Variants in VAV3 observed in about 807,000 individuals in gnomAD.
The protein encoded by VAV3 is guanine nucleotide exchange factor VAV3.
Under a neutral mutation model 131.2 loss-of-function variants are expected in VAV3, and 94 were observed. The ratio of observed to expected loss-of-function variants is 0.72; its 90% CI spans 0.61 to 0.85. VAV3 has a LOEUF of 0.85. Among genes scored for constraint, VAV3 ranks in the 40% least tolerant of loss-of-function variants. The pLI is 0.00. For synonymous variants in VAV3, 349 were observed against 342.0 expected (o/e 1.02, Z -0.22); for missense variants, 939 against 1,002.7 (o/e 0.94, Z 0.86).
At chr1:107,917,884 G>C (rs900051281) in intron 1 of VAV3, among the ~76,000 whole-genome samples, 49 of 152,190 alleles carry the variant, frequency 3.2e-4, no homozygotes, top group African/African-American at 1.1e-3. Flanking sequence ...TACTCAAGAA[G>C]TTTCAGATTT....
At position 107,939,313 on chromosome 1, in the gene VAV3, A is replaced by G. The variant is rs191194487; in HGVS notation, c.204+25353T>C. Among the ~76,000 whole-genome samples, 62 of 152,350 alleles carry G rather than the reference A, an allele frequency of 4.1e-4. 3 individuals carry two copies. In the South Asian group the frequency reaches 0.012, roughly 29 times the overall value. On this transcript the variant is annotated intron_variant, in intron 1 of 26. Coordinates refer to ENST00000370056, the MANE Select transcript of VAV3 (RefSeq NM_006113.5). ...GACTCAAATTTTCTTGCCTTTACAC[A>G]GATGGTCCTAGGCTTACTATGGTTC...
chr1:107,888,617 C>A (rs542369856), intron 1 of VAV3, among the ~76,000 whole-genome samples: 1 of 152,200 alleles, frequency 6.6e-6, no homozygotes, highest in South Asian at 2.1e-4. Context: ...CGCCAACACG[C>A]CTGGCTAATT....
At chr1:107,842,923 A>G (rs1232793672) in intron 2 of VAV3, among the ~76,000 whole-genome samples, 2 of 152,232 alleles carry the variant, frequency 1.3e-5, no homozygotes, top group African/African-American at 4.8e-5. Context: ...AAATATTAAC[A>G]TCAAGTGTTC....
chr1:107,683,611 C>T, intron 18 of VAV3, 78 bp from the exon 19 acceptor site: 1 of 1,389,252 alleles, frequency 7.2e-7, no homozygotes, highest in Non-Finnish European at 1.0e-6. Context: ...ACTACTGGCA[C>T]TTTGGAAAGC....
chr1:107,804,010 A>G (rs1010125297), intron 2 of VAV3, among the ~76,000 whole-genome samples: 2 of 152,076 alleles, frequency 1.3e-5, no homozygotes, highest in Non-Finnish European at 2.9e-5. Flanking sequence ...TCTATTAGGC[A>G]GAGTCTAAAG....
chr1:107,898,674 A>G (rs1287848475), intron 1 of VAV3, among the ~76,000 whole-genome samples: 1 of 152,210 alleles, frequency 6.6e-6, no homozygotes, highest in East Asian at 1.9e-4. Context: ...GATACTTCAC[A>G]GTACTGGGAT....
chr1:107,617,660 T>C (rs1345853551), intron 20 of VAV3, 28 bp from the exon 21 acceptor site: 6 of 1,602,704 alleles, frequency 3.7e-6, no homozygotes, highest in Non-Finnish European at 4.3e-6. Flanking sequence ...ATGCCAGTGT[T>C]GAGAACAAAT....
At chr1:107,578,180 A>G (rs1649784894) in intron 25 of VAV3, among the ~76,000 whole-genome samples, 1 of 152,228 alleles carries the variant, frequency 6.6e-6, no homozygotes, top group Non-Finnish European at 1.5e-5. Context: ...TGGAGCCCTC[A>G]TATACACACT....
intron 1 of VAV3, among the ~76,000 whole-genome samples, chr1:107,893,880 T>C (rs1671444713): frequency 6.6e-6 from 1 of 152,208 alleles, no homozygotes; most frequent in Non-Finnish European, 1.5e-5. Context: ...TGTTCATGAA[T>C]ATCCCCACAA....
intron 1 of VAV3, among the ~76,000 whole-genome samples, chr1:107,890,721 T>C (rs1671271952): frequency 6.6e-6 from 1 of 152,234 alleles, no homozygotes; most frequent in Non-Finnish European, 1.5e-5. Context: ...ATTAAATGTT[T>C]TATCCTTCTT....
chr1:107,668,201 T>C (rs114031882), intron 19 of VAV3, among the ~76,000 whole-genome samples: 2,205 of 152,328 alleles, frequency 0.014, 56 homozygotes, highest in African/African-American at 0.051. Flanking sequence ...TGATCCATAA[T>C]TGTAGCCAGC....
At chr1:107,688,308 C>G in intron 18 of VAV3, 73 bp downstream of exon 18, 1 of 1,544,096 alleles carries the variant, frequency 6.5e-7, no homozygotes, top group East Asian at 2.3e-5. Flanking sequence ...AGTGTAAAAG[C>G]CCAAGCCTGG....
intron 2 of VAV3, among the ~76,000 whole-genome samples, chr1:107,782,087 G>C (rs1320929596): frequency 6.6e-6 from 1 of 152,108 alleles, no homozygotes; most frequent in African/African-American, 2.4e-5. Context: ...AAGCTATGGG[G>C]TGAAATCTGC....
intron 2 of VAV3, among the ~76,000 whole-genome samples, chr1:107,805,979 G>T (rs1003493979): frequency 3.3e-5 from 5 of 152,100 alleles, no homozygotes; most frequent in Non-Finnish European, 7.4e-5. Flanking sequence ...CTGGCTCAGG[G>T]TTTGTGCCCA....
chr1:107,577,909 C>A (rs1649767111), intron 25 of VAV3, among the ~76,000 whole-genome samples: 1 of 152,130 alleles, frequency 6.6e-6, no homozygotes, highest in Admixed American at 6.5e-5. Flanking sequence ...AAAAAGTTTT[C>A]TACAGCCAAG....
At chr1:107,762,687 T>C (rs1570915236) in intron 9 of VAV3, among the ~76,000 whole-genome samples, 2 of 152,332 alleles carry the variant, frequency 1.3e-5, no homozygotes, top group East Asian at 3.9e-4. Context: ...AAATTCACTA[T>C]ATTATGGAAA....
Position 107,596,162 on chromosome 1 carries a change from C to T in VAV3, c.2350+50G>A, listed in dbSNP as rs200120013. On this transcript the variant is annotated intron_variant, in intron 25 of 26. Transcript: ENST00000370056. ...AAGGAAGATGTTTAATGTTATTGTG[C>T]CCCTAATTTTTAAGTGACAGCAAAT... 108 of 1,592,184 alleles carry T rather than the reference C, an allele frequency of 6.8e-5. No individual in the cohort carries two copies. The African/African-American group carries it at 1.3e-3, about 19-fold the overall frequency.
intron 1 of VAV3, among the ~76,000 whole-genome samples, chr1:107,914,349 A>G (rs1159665041): frequency 6.6e-6 from 1 of 152,166 alleles, no homozygotes; most frequent in Admixed American, 6.5e-5. Context: ...TGCCTTCTGG[A>G]GCTCGCAGCC....
At chr1:107,964,410 C>T (rs939723755) in intron 1 of VAV3, 3 of 415,606 alleles carry the variant, frequency 7.2e-6, no homozygotes, top group Admixed American at 3.9e-5. Flanking sequence ...TTATTTCTTT[C>T]CCGCCTCACA....
Sources: gnomAD v4.1 joint callset for allele counts (sites outside exome capture counted in the v4.1 genomes callset) on GRCh38, gnomAD v4.1.1 for gene constraint, MANE v1.5 for transcripts, NCBI Gene and HGNC (gene_info 2026-07-23, HGNC 2026-07-21) for gene names.